The following SCML4 variants were observed in gnomAD, a reference collection of about 807,000 sequenced individuals.
The protein encoded by SCML4 is Scm polycomb group protein like 4.
Under a neutral mutation model 41.1 loss-of-function variants are expected in SCML4, and 34 were observed. The observed-to-expected ratio is 0.83, with a 90% CI of 0.63 to 1.10. SCML4 has a LOEUF of 1.10. Among genes scored for constraint, SCML4 ranks in the 50% least tolerant of loss-of-function variants. The pLI is 0.00. For synonymous variants in SCML4, 214 were observed against 220.9 expected, an observed-to-expected ratio of 0.97 and a Z score of 0.28; for missense variants, 522 against 534.1, an observed-to-expected ratio of 0.98 and a Z score of 0.22.
chr6:107,810,785 A>G (rs919355428), intron 1 of SCML4, among the ~76,000 whole-genome samples: 1 of 152,114 alleles, frequency 6.6e-6, no homozygotes, highest in African/African-American at 2.4e-5. Context: ...GTAACTCCCA[A>G]TGTGAAATGT....
intron 6 of SCML4, chr6:107,720,247 G>C: frequency 1.5e-6 from 1 of 647,768 alleles, no homozygotes; most frequent in Non-Finnish European, 1.9e-6. Context: ...GAAGTGATGA[G>C]CATCACTTTC....
At chr6:107,802,743 T>A (rs1436673144) in intron 1 of SCML4, among the ~76,000 whole-genome samples, 1,422 of 135,276 alleles carry the variant, frequency 0.011, 60 homozygotes, top group African/African-American at 0.039. Flanking sequence ...CCTCTCCCTC[T>A]CCCCACGGTC....
intron 1 of SCML4, among the ~76,000 whole-genome samples, chr6:107,810,322 G>T (rs1269842135): frequency 6.6e-6 from 1 of 152,192 alleles, no homozygotes; most frequent in Non-Finnish European, 1.5e-5. Flanking sequence ...AATGCCACCA[G>T]CAAAGCCCCA....
intron 5 of SCML4, chr6:107,740,118 T>C: frequency 4.2e-6 from 2 of 470,994 alleles, no homozygotes; most frequent in South Asian, 3.1e-5. Context: ...AGCTTTCAGA[T>C]GGGGACATCA....
intron 5 of SCML4, 70 bp downstream of exon 5, chr6:107,744,879 T>G: frequency 6.3e-6 from 8 of 1,263,672 alleles, no homozygotes; most frequent in Non-Finnish European, 7.7e-6. Context: ...GCTCCCTCCA[T>G]AGTGGAAGGG....
chr6:107,765,600 C>T (rs1344895783), intron 2 of SCML4, among the ~76,000 whole-genome samples: 1 of 151,880 alleles, frequency 6.6e-6, no homozygotes, highest in African/African-American at 2.4e-5. Context: ...AGGAGGCTGC[C>T]CCATTCACAA....
At chr6:107,709,119 C>G (rs1376086388) in intron 6 of SCML4, among the ~76,000 whole-genome samples, 1 of 152,166 alleles carries the variant, frequency 6.6e-6, no homozygotes, top group African/African-American at 2.4e-5. Flanking sequence ...TCCTTTTCTT[C>G]CTACTGCCTA....
intron 5 of SCML4, among the ~76,000 whole-genome samples, chr6:107,736,022 A>G: frequency 6.6e-6 from 1 of 152,076 alleles, no homozygotes; most frequent in East Asian, 1.9e-4. Flanking sequence ...AAACTCTGCC[A>G]CTGTCTGGTG....
chr6:107,755,504 GGA>G (rs1779029149), intron 2 of SCML4: 1 of 658,026 alleles, frequency 1.5e-6, no homozygotes, highest in Non-Finnish European at 2.1e-6. Context: ...AGAAGAGCAC[GGA>G]TATGAGCCCA....
At chr6:107,818,163 A>G (rs774785055) in intron 1 of SCML4, among the ~76,000 whole-genome samples, 4 of 152,114 alleles carry the variant, frequency 2.6e-5, no homozygotes, top group Admixed American at 6.5e-5. Flanking sequence ...TTTTTTGCAA[A>G]TGAGGTCTTA....
intron 1 of SCML4, among the ~76,000 whole-genome samples, chr6:107,808,805 G>T (rs531520231): frequency 1.3e-5 from 2 of 152,284 alleles, no homozygotes; most frequent in South Asian, 4.1e-4. Flanking sequence ...TGTTGGGGAT[G>T]TGTACTCAAG....
intron 2 of SCML4, among the ~76,000 whole-genome samples, chr6:107,754,229 GT>G (rs1180372987): frequency 6.6e-6 from 1 of 152,202 alleles, no homozygotes; most frequent in East Asian, 1.9e-4. Context: ...TAGAGATTTC[GT>G]CTTATTCTGA....
chr6:107,778,196 C>CAAAAAAAAAAAAAAAAAAAAA (rs1171221403), intron 1 of SCML4, among the ~76,000 whole-genome samples: 1 of 7,756 alleles, frequency 1.3e-4, no homozygotes. Flanking sequence ...GACTCTATCT[C>CAAAAAAAAAAAAAAAAAAAAA]AAAAAAAAAA....
At position 107,806,195 on chromosome 6, in the gene SCML4, C is replaced by CCCG. The variant is rs1554223505; in HGVS notation, c.-60+17930_-60+17931insCGG. 2.1e-3 allele frequency among the ~76,000 whole-genome samples: 314 copies of CCCG among 151,548 alleles called. 1 individual carries two copies. Among genetic ancestry groups the CCCG allele is most frequent in the Middle Eastern group, 3.4e-3 (1 of 294 alleles). ...AATCAAAACAGAGATTTCCCCCCCC[C>CCCG]CAATAAACAATGAGCAAGGGCTCAG... On this transcript the variant is annotated intron_variant, in intron 1 of 7. Transcript: ENST00000369020.
At position 107,745,122 on chromosome 6, in the gene SCML4, T is replaced by C. The variant is rs1368383526; in HGVS notation, c.509A>G (p.Lys170Arg). 37 of 1,591,222 alleles carry C rather than the reference T, an allele frequency of 2.3e-5. No individual in the cohort carries two copies. The highest frequency in any genetic ancestry group is 3.1e-5 in the Non-Finnish European group (36 of 1,168,472). Residue 170 changes from lysine (K) to arginine (R), a missense_variant, in exon 5 of 8, where the codon AAA becomes AGA. Coordinates refer to ENST00000369020, the MANE Select transcript of SCML4 (RefSeq NM_198081.5). ...CACAGGCAGGCTCCGCAGGTGCTGTTTGCCATCAAAGGAAGCCGAGACTGG... is the reference window on the plus strand; with the variant it reads ...CACAGGCAGGCTCCGCAGGTGCTGTCTGCCATCAAAGGAAGCCGAGACTGG... ...MVSVSASFDG[K>R]QHLRSLPVVN...
intron 2 of SCML4, among the ~76,000 whole-genome samples, chr6:107,764,252 A>G (rs1387148675): frequency 6.6e-6 from 1 of 152,194 alleles, no homozygotes; most frequent in Non-Finnish European, 1.5e-5. Context: ...GATGTTAAAC[A>G]CCCAAGAGAT....
intron 6 of SCML4, among the ~76,000 whole-genome samples, chr6:107,714,024 G>A (rs1774499840): frequency 6.6e-6 from 1 of 152,144 alleles, no homozygotes; most frequent in Non-Finnish European, 1.5e-5. Flanking sequence ...TGATTCTCCT[G>A]CCTCAGCCTC....
chr6:107,831,299 G>A, the SCML4 span, among the ~76,000 whole-genome samples: 1 of 150,502 alleles, frequency 6.6e-6, no homozygotes, highest in African/African-American at 2.4e-5. Flanking sequence ...TTTATTTGAG[G>A]GAAGATCTCC....
chr6:107,703,473 T>C lies in SCML4; in HGVS notation c.*1727A>G, dbSNP rs960903817. Reference sequence around the variant, plus strand: ...TGTGTGTCTGAAAAGGAGGCTACGATGTGCTTTCTCAAGTACTGCACATGA... The same window carrying C: ...TGTGTGTCTGAAAAGGAGGCTACGACGTGCTTTCTCAAGTACTGCACATGA... On this transcript the variant is annotated 3_prime_UTR_variant, in exon 8 of 8. Coordinates refer to ENST00000369020, the MANE Select transcript of SCML4 (RefSeq NM_198081.5). 1.3e-5 allele frequency among the ~76,000 whole-genome samples: 2 copies of C among 152,224 alleles called. No individual in the cohort carries two copies. Among genetic ancestry groups the C allele is most frequent in the Admixed American group, 6.5e-5 (1 of 15,282 alleles).
Sources: gnomAD v4.1 joint callset for allele counts (sites outside exome capture counted in the v4.1 genomes callset) on GRCh38, gnomAD v4.1.1 for gene constraint, MANE v1.5 for transcripts, NCBI Gene and HGNC (gene_info 2026-07-23, HGNC 2026-07-21) for gene names.